The following WWOX variants were observed in gnomAD, a reference collection of about 807,000 sequenced individuals.
WWOX encodes WW domain containing oxidoreductase, also known as WW domain-containing oxidoreductase.
Under a neutral mutation model 46.2 loss-of-function variants are expected in WWOX, and 69 were observed. That is an observed-to-expected ratio of 1.49 (90% confidence interval 1.23 to 1.82). The LOEUF (loss-of-function observed/expected upper bound fraction) is 1.82. WWOX is among the 40% of genes most tolerant of loss of function. The probability of loss-of-function intolerance (pLI) is 0.00; values close to 1 mark genes in which losing one functional copy is unlikely to be tolerated. For missense variants in WWOX, 919 were observed against 542.6 expected (o/e 1.69, Z -6.89); for synonymous variants, 359 against 202.6 (o/e 1.77, Z -6.56).
intron 5 of WWOX, among the ~76,000 whole-genome samples, chr16:78,224,904 T>C (rs2037000966): frequency 6.6e-6 from 1 of 152,234 alleles, no homozygotes; most frequent in Non-Finnish European, 1.5e-5. Flanking sequence ...CTTTTGCAAA[T>C]GATCTATTAA....
intron 8 of WWOX, among the ~76,000 whole-genome samples, chr16:78,658,396 A>G (rs2047129616): frequency 6.6e-6 from 1 of 152,158 alleles, no homozygotes; most frequent in Non-Finnish European, 1.5e-5. Flanking sequence ...TAATCCTCAC[A>G]AGAATTCTGT....
At chr16:78,126,816 T>G (rs765578612) in intron 4 of WWOX, among the ~76,000 whole-genome samples, 2 of 152,204 alleles carry the variant, frequency 1.3e-5, no homozygotes, top group Non-Finnish European at 2.9e-5. Context: ...CTTGTCTGGC[T>G]TTGCAATGGT....
chr16:78,665,318 C>T (rs1057091913), intron 8 of WWOX, among the ~76,000 whole-genome samples: 2 of 152,100 alleles, frequency 1.3e-5, no homozygotes, highest in Non-Finnish European at 2.9e-5. Flanking sequence ...CACTGCCTTA[C>T]CCATTGTGGA....
intron 5 of WWOX, among the ~76,000 whole-genome samples, chr16:78,303,633 C>T (rs2080082307): frequency 6.6e-6 from 1 of 152,204 alleles, no homozygotes; most frequent in Non-Finnish European, 1.5e-5. Flanking sequence ...CAACCTCCAC[C>T]TCCCGGTTTC....
chr16:78,394,040 A>G (rs1407199985), intron 6 of WWOX, among the ~76,000 whole-genome samples: 2 of 152,176 alleles, frequency 1.3e-5, no homozygotes, highest in African/African-American at 2.4e-5. Context: ...AAATCCATCT[A>G]GGGAAGTGGG....
chr16:78,159,149 T>TTG lies in WWOX; in HGVS notation c.410-5020_410-5019dup, dbSNP rs141246052. ...CTGAATAATATTCCATTGTGTGTGT[T>TTG]TGTGTGTGTGTGTGTTTGTGTGTGT... On this transcript the variant is annotated intron_variant, in intron 4 of 8. Transcript: ENST00000566780. Among the ~76,000 whole-genome samples the TTG allele has an allele frequency of 2.3e-3, 348 of 150,782 alleles. 15 individuals carry two copies. In the East Asian group the frequency reaches 0.061, roughly 27 times the overall value.
chr16:78,190,959 A>T (rs933343267), intron 5 of WWOX, among the ~76,000 whole-genome samples: 1 of 152,112 alleles, frequency 6.6e-6, no homozygotes, highest in Admixed American at 6.5e-5. Flanking sequence ...GACTTTCTCA[A>T]GGACCTTTAC....
At chr16:78,483,922 G>A (rs2084562672) in intron 8 of WWOX, among the ~76,000 whole-genome samples, 1 of 152,176 alleles carries the variant, frequency 6.6e-6, no homozygotes, top group African/African-American at 2.4e-5. Context: ...CAGGTTTTGT[G>A]GCTGTGACAG....
intron 8 of WWOX, among the ~76,000 whole-genome samples, chr16:78,521,087 C>T (rs2043338959): frequency 6.6e-6 from 1 of 152,254 alleles, no homozygotes; most frequent in South Asian, 2.1e-4. Context: ...TGTTTAACTG[C>T]CCAGTGAAGA....
At chr16:78,388,705 C>T (rs1312381995) in intron 6 of WWOX, among the ~76,000 whole-genome samples, 1 of 145,662 alleles carries the variant, frequency 6.9e-6, no homozygotes, top group Non-Finnish European at 1.5e-5. Context: ...CGTGGTGGCT[C>T]ACGCCTGTAA....
At chr16:78,421,927 T>C (rs77593328) in intron 6 of WWOX, among the ~76,000 whole-genome samples, 4,860 of 152,274 alleles carry the variant, frequency 0.032, 252 homozygotes, top group African/African-American at 0.11. Flanking sequence ...TGATACATGT[T>C]TTCAACTTAA....
At chr16:78,925,961 G>C (rs2045487424) in intron 8 of WWOX, among the ~76,000 whole-genome samples, 1 of 152,184 alleles carries the variant, frequency 6.6e-6, no homozygotes, top group Non-Finnish European at 1.5e-5. Context: ...GAAAGACTGT[G>C]AACCAAGAGG....
intron 8 of WWOX, among the ~76,000 whole-genome samples, chr16:78,926,762 G>C (rs374487606): frequency 1.3e-5 from 2 of 152,120 alleles, no homozygotes; most frequent in East Asian, 3.9e-4. Context: ...CCATGGGTGT[G>C]AGTATTGAGA....
At chr16:78,747,012 C>A (rs1451444627) in intron 8 of WWOX, among the ~76,000 whole-genome samples, 2 of 152,060 alleles carry the variant, frequency 1.3e-5, no homozygotes, top group African/African-American at 4.8e-5. Flanking sequence ...TGAACTCCTG[C>A]CTGCCTCTCA....
chr16:79,067,539 C>T (rs2048464441), intron 8 of WWOX, among the ~76,000 whole-genome samples: 1 of 149,428 alleles, frequency 6.7e-6, no homozygotes, highest in East Asian at 2.0e-4. Flanking sequence ...CACTAGAGAC[C>T]TTCCCTGACC....
At chr16:78,353,141 A>C (rs1019545312) in intron 5 of WWOX, among the ~76,000 whole-genome samples, 2 of 152,148 alleles carry the variant, frequency 1.3e-5, no homozygotes, top group African/African-American at 4.8e-5. Flanking sequence ...CAGCCAGCTA[A>C]CTATGCATTC....
chr16:78,843,371 T>G (rs1361327574), intron 8 of WWOX, among the ~76,000 whole-genome samples: 1 of 150,154 alleles, frequency 6.7e-6, no homozygotes, highest in Non-Finnish European at 1.5e-5. Context: ...AAACGATTAT[T>G]GTGGTGCCTG....
At chr16:78,641,325 G>A (rs1033866752) in intron 8 of WWOX, among the ~76,000 whole-genome samples, 1 of 151,900 alleles carries the variant, frequency 6.6e-6, no homozygotes, top group African/African-American at 2.4e-5. Flanking sequence ...ATCCTGGAGA[G>A]AAAAAGCCTT....
chr16:79,114,882 A>T (rs1470610612), intron 8 of WWOX, among the ~76,000 whole-genome samples: 1 of 152,194 alleles, frequency 6.6e-6, no homozygotes, highest in African/African-American at 2.4e-5. Context: ...GTTGTTGTTC[A>T]TGTTTCCCAG....
Sources: gnomAD v4.1 joint callset for allele counts (sites outside exome capture counted in the v4.1 genomes callset) on GRCh38, gnomAD v4.1.1 for gene constraint, MANE v1.5 for transcripts, NCBI Gene and HGNC (gene_info 2026-07-23, HGNC 2026-07-21) for gene names.